The following POFUT3 variants were observed in gnomAD, a reference collection of about 807,000 sequenced individuals.
The protein encoded by POFUT3 is GDP-fucose protein O-fucosyltransferase 3.
chr8:33,359,566 T>A, the POFUT3 span, among the ~76,000 whole-genome samples: 1 of 152,126 alleles, frequency 6.6e-6, no homozygotes, highest in Non-Finnish European at 1.5e-5. Flanking sequence ...AGGCTTTGGA[T>A]GTACTCTACC....
At chr8:33,338,418 C>T in the POFUT3 span, among the ~76,000 whole-genome samples, 1 of 152,210 alleles carries the variant, frequency 6.6e-6, no homozygotes. Flanking sequence ...TTACCCTAAT[C>T]CTAAAGCCAG....
chr8:33,404,062 G>A, the POFUT3 span, among the ~76,000 whole-genome samples: 1 of 152,036 alleles, frequency 6.6e-6, no homozygotes, highest in East Asian at 1.9e-4. Flanking sequence ...TCCAGGCCGG[G>A]CGCGGTAGCT....
the POFUT3 span, among the ~76,000 whole-genome samples, chr8:33,437,789 G>T: frequency 6.6e-6 from 1 of 151,974 alleles, no homozygotes; most frequent in Non-Finnish European, 1.5e-5. Context: ...CAGCCTAGGT[G>T]ACAGAGTGAG....
the POFUT3 span, among the ~76,000 whole-genome samples, chr8:33,442,110 C>T: frequency 6.6e-6 from 1 of 151,894 alleles, no homozygotes; most frequent in East Asian, 1.9e-4. Context: ...CCACCATGCC[C>T]GGCTAATTTT....
the POFUT3 span, chr8:33,372,073 A>G: frequency 1.3e-4 from 103 of 783,040 alleles, no homozygotes; most frequent in African/African-American, 1.8e-3. Context: ...AAGAGTGGAT[A>G]GTGGATAAAC....
chr8:33,391,693 A>G, the POFUT3 span, among the ~76,000 whole-genome samples: 2 of 152,226 alleles, frequency 1.3e-5, no homozygotes, highest in African/African-American at 4.8e-5. Context: ...AATCAAGGCC[A>G]TTTGCCTGGG....
chr8:33,381,103 C>T, the POFUT3 span, among the ~76,000 whole-genome samples: 14 of 151,844 alleles, frequency 9.2e-5, no homozygotes, highest in Non-Finnish European at 4.4e-5. Context: ...CACCACTGCA[C>T]TTCAGCCTGG....
At chr8:33,467,438 A>G in the POFUT3 span, among the ~76,000 whole-genome samples, 1 of 152,190 alleles carries the variant, frequency 6.6e-6, no homozygotes, top group African/African-American at 2.4e-5. Context: ...CATTGCCTAC[A>G]GGATGAATCT....
chr8:33,461,537 A>G, the POFUT3 span: 1 of 1,601,716 alleles, frequency 6.2e-7, no homozygotes, highest in Non-Finnish European at 8.5e-7. Context: ...ACAACTTCAC[A>G]TGGAAGAACC....
At chr8:33,330,840 T>C in the POFUT3 span, among the ~76,000 whole-genome samples, 1 of 152,124 alleles carries the variant, frequency 6.6e-6, no homozygotes, top group Non-Finnish European at 1.5e-5. Context: ...GCCATGGTGT[T>C]TCACATCTCT....
chr8:33,384,412 C>T, the POFUT3 span, among the ~76,000 whole-genome samples: 9 of 152,294 alleles, frequency 5.9e-5, no homozygotes, highest in East Asian at 1.9e-4. Flanking sequence ...TCCTTTTACT[C>T]GAGAAGGAAT....
chr8:33,385,279 G>C, the POFUT3 span, among the ~76,000 whole-genome samples: 1 of 152,186 alleles, frequency 6.6e-6, no homozygotes, highest in South Asian at 2.1e-4. Context: ...TAGGGGCACA[G>C]GAAGGTTCCC....
the POFUT3 span, among the ~76,000 whole-genome samples, chr8:33,409,408 T>C: frequency 6.6e-6 from 1 of 152,174 alleles, no homozygotes. Flanking sequence ...CGGCCTGATC[T>C]GTGGTCATTT....
At chr8:33,354,399 T>G in the POFUT3 span, among the ~76,000 whole-genome samples, 1 of 152,012 alleles carries the variant, frequency 6.6e-6, no homozygotes, top group Non-Finnish European at 1.5e-5. Context: ...CCGGTTTGAG[T>G]CTGAGGGCAG....
chr8:33,398,434 T>C, the POFUT3 span, among the ~76,000 whole-genome samples: 1 of 152,228 alleles, frequency 6.6e-6, no homozygotes, highest in Non-Finnish European at 1.5e-5. Flanking sequence ...TTTCCAGTGA[T>C]AGGAAACTCA....
chr8:33,453,860 G>GT, the POFUT3 span, among the ~76,000 whole-genome samples: 1 of 151,976 alleles, frequency 6.6e-6, no homozygotes, highest in Non-Finnish European at 1.5e-5. Flanking sequence ...TGAGTCAGGA[G>GT]AATCGAATCA....
the POFUT3 span, among the ~76,000 whole-genome samples, chr8:33,437,227 G>A: frequency 1.3e-5 from 2 of 151,942 alleles, no homozygotes; most frequent in Non-Finnish European, 2.9e-5. Context: ...ATGAACATGC[G>A]AGTGCATTAC....
chr8:33,450,104 C>G, the POFUT3 span, among the ~76,000 whole-genome samples: 79 of 152,060 alleles, frequency 5.2e-4, 1 homozygote, highest in African/African-American at 1.9e-3. Flanking sequence ...CCACGCCCAG[C>G]TATTTTTAGT....
chr8:33,372,077 G>A, the POFUT3 span: 1 of 852,556 alleles, frequency 1.2e-6, no homozygotes, highest in African/African-American at 1.8e-5. Flanking sequence ...GTGGATAGTG[G>A]ATAAACTTGA....
Sources: allele counts gnomAD v4.1 joint callset (sites outside exome capture counted in the v4.1 genomes callset), GRCh38; gene constraint gnomAD v4.1.1; transcripts MANE v1.5; gene names NCBI Gene and HGNC (gene_info 2026-07-23, HGNC 2026-07-21).